CCDC3: variants seen among roughly 807,000 people sequenced by gnomAD.
CCDC3 encodes the protein coiled-coil domain-containing protein 3.
A neutral mutation model predicts 21.4 loss-of-function variants in CCDC3; 24 were observed. That is an observed-to-expected ratio of 1.12 (90% CI 0.81 to 1.58). CCDC3 has a LOEUF of 1.58. Ranked by LOEUF, CCDC3 falls within the 40% of genes most tolerant of loss-of-function variation. CCDC3 has a pLI of 0.00. For synonymous variants in CCDC3, 186 were observed against 166.0 expected, an observed-to-expected ratio of 1.12 and a Z score of -0.93; for missense variants, 425 against 360.9, an observed-to-expected ratio of 1.18 and a Z score of -1.44.
intron 2 of CCDC3, among the ~76,000 whole-genome samples, chr10:12,899,222 C>A (rs1314964504): frequency 6.6e-6 from 1 of 152,072 alleles, no homozygotes; most frequent in Non-Finnish European, 1.5e-5. Flanking sequence ...AAAGAAAACG[C>A]CAGTATCTCT....
chr10:12,904,430 C>T (rs1834140772), intron 2 of CCDC3, among the ~76,000 whole-genome samples: 1 of 129,110 alleles, frequency 7.7e-6, no homozygotes, highest in South Asian at 2.5e-4. Context: ...GATTGCACCA[C>T]TACACTCCAG....
intron 4 of CCDC3, among the ~76,000 whole-genome samples, chr10:13,061,635 G>A (rs549217577): frequency 1.3e-5 from 2 of 152,312 alleles, no homozygotes; most frequent in African/African-American, 4.8e-5. Context: ...CACTGGTTTG[G>A]TGGAGAAAGG....
intron 2 of CCDC3, among the ~76,000 whole-genome samples, chr10:12,965,728 A>AT (rs1192430514): frequency 6.6e-6 from 1 of 152,230 alleles, no homozygotes; most frequent in African/African-American, 2.4e-5. Context: ...ATCATGAGTC[A>AT]TTAACTTTTG....
chr10:12,937,487 G>A (rs1834758730), intron 2 of CCDC3, among the ~76,000 whole-genome samples: 1 of 151,920 alleles, frequency 6.6e-6, no homozygotes, highest in African/African-American at 2.4e-5. Context: ...TCTAAGACAG[G>A]GTCTCAACTC....
At chr10:12,917,261 T>G (rs1470686545) in intron 2 of CCDC3, among the ~76,000 whole-genome samples, 3 of 128,958 alleles carry the variant, frequency 2.3e-5, no homozygotes, top group African/African-American at 8.6e-5. Flanking sequence ...TGGCGCTATC[T>G]CGGCTCACTG....
At chr10:13,086,950 A>G (rs1317021329) in intron 3 of CCDC3, among the ~76,000 whole-genome samples, 3 of 152,176 alleles carry the variant, frequency 2.0e-5, no homozygotes, top group East Asian at 3.8e-4. Context: ...GGGGCTGCAG[A>G]TTCATCTGTT....
chr10:12,972,453 C>A (rs1252106767), intron 2 of CCDC3, among the ~76,000 whole-genome samples: 1 of 152,142 alleles, frequency 6.6e-6, no homozygotes, highest in African/African-American at 2.4e-5. Flanking sequence ...CTCCTACTAC[C>A]TACCAAGTCC....
chr10:12,914,481 T>G (rs181050469), intron 2 of CCDC3, among the ~76,000 whole-genome samples: 3 of 152,320 alleles, frequency 2.0e-5, no homozygotes, highest in Admixed American at 2.0e-4. Context: ...AGTCTTGCTC[T>G]GTCACCCAGG....
intron 3 of CCDC3, among the ~76,000 whole-genome samples, chr10:13,084,277 C>T (rs1306198775): frequency 2.9e-5 from 3 of 101,880 alleles, no homozygotes; most frequent in Non-Finnish European, 6.1e-5. Context: ...ACTCTACCTT[C>T]TTTTCTTTTC....
At chr10:13,030,165 G>T (rs923069763) in intron 5 of CCDC3, among the ~76,000 whole-genome samples, 1 of 152,222 alleles carries the variant, frequency 6.6e-6, no homozygotes, top group Admixed American at 6.5e-5. Context: ...CTACAAGCCA[G>T]AAGAGAGTGG....
intron 2 of CCDC3, among the ~76,000 whole-genome samples, chr10:12,948,670 T>C (rs1834959929): frequency 6.6e-6 from 1 of 151,692 alleles, no homozygotes; most frequent in Non-Finnish European, 1.5e-5. Flanking sequence ...AAGCGCTAAA[T>C]TTGGTGACCA....
chr10:12,926,741 G>C (rs958331029), intron 2 of CCDC3, among the ~76,000 whole-genome samples: 1 of 152,118 alleles, frequency 6.6e-6, no homozygotes, highest in Non-Finnish European at 1.5e-5. Context: ...AGTTATATAG[G>C]TATATCATGC....
At chr10:12,917,583 G>T (rs1456421974) in intron 2 of CCDC3, among the ~76,000 whole-genome samples, 1 of 152,148 alleles carries the variant, frequency 6.6e-6, no homozygotes, top group Non-Finnish European at 1.5e-5. Flanking sequence ...TTCATGTAGG[G>T]AGAGTTGTTC....
chr10:13,081,337 A>C (rs1331129688), intron 3 of CCDC3, among the ~76,000 whole-genome samples: 3 of 152,168 alleles, frequency 2.0e-5, no homozygotes, highest in African/African-American at 7.2e-5. Flanking sequence ...TAGAATTTCC[A>C]GTACACCAGC....
At chr10:12,917,146 G>A (rs769183861) in intron 2 of CCDC3, among the ~76,000 whole-genome samples, 5 of 151,860 alleles carry the variant, frequency 3.3e-5, no homozygotes, top group African/African-American at 1.2e-4. Context: ...CGGGGTTGGG[G>A]GAGGTGATGT....
intron 4 of CCDC3, among the ~76,000 whole-genome samples, chr10:13,060,568 A>C (rs1836744175): frequency 6.6e-6 from 1 of 152,162 alleles, no homozygotes; most frequent in Non-Finnish European, 1.5e-5. Flanking sequence ...GCACTGATGC[A>C]ATCATGCTTC....
intron 4 of CCDC3, among the ~76,000 whole-genome samples, chr10:13,060,803 G>A (rs1365635826): frequency 6.6e-6 from 1 of 152,170 alleles, no homozygotes; most frequent in African/African-American, 2.4e-5. Flanking sequence ...ACCACACCTA[G>A]GGTTCAAATT....
chr10:13,022,241 T>A lies in CCDC3; in HGVS notation c.-1-23729A>T, dbSNP rs185524631. 1.4e-3 allele frequency among the ~76,000 whole-genome samples: 217 copies of A among 152,208 alleles called. 1 individual carries two copies. The highest frequency in any genetic ancestry group is 4.9e-3 in the African/African-American group (203 of 41,530). ...TGCAGAAGCTATCTTCTCAAAGCAA[T>A]CCTCTCTCTCTTTTTTTCACCCCTT... is the stretch of plus-strand genomic sequence containing the variant. On this transcript the variant is annotated intron_variant, in intron 5 of 6. Coordinates refer to the CCDC3 transcript ENST00000378839.
At chr10:13,047,097 CAG>C (rs781214137) in intron 5 of CCDC3, among the ~76,000 whole-genome samples, 2 of 152,300 alleles carry the variant, frequency 1.3e-5, no homozygotes, top group South Asian at 4.1e-4. Context: ...GGAGACAGAA[CAG>C]AGAGACTCCA....
Sources: allele counts gnomAD v4.1 joint callset (sites outside exome capture counted in the v4.1 genomes callset), GRCh38; gene constraint gnomAD v4.1.1; transcripts MANE v1.5; gene names NCBI Gene and HGNC (gene_info 2026-07-23, HGNC 2026-07-21).